XPR1: variants seen among roughly 807,000 people sequenced by gnomAD.
XPR1 encodes xenotropic and polytropic retrovirus receptor 1.
In XPR1, 28 loss-of-function variants were observed where a neutral mutation model predicts 87.5. The observed-to-expected ratio is 0.32, with a 90% confidence interval of 0.24 to 0.44. The LOEUF (loss-of-function observed/expected upper bound fraction) is 0.44. Ranked by LOEUF, XPR1 falls within the 20% of genes least tolerant of loss-of-function variation. XPR1 has a pLI of 1.00. For synonymous variants in XPR1, 300 were observed against 306.1 expected (o/e 0.98, Z 0.21); for missense variants, 559 against 862.3 (o/e 0.65, Z 4.41).
Position 180,712,807 on chromosome 1 carries a change from A to AAAAT in XPR1, c.121+30416_121+30419dup, listed in dbSNP as rs573258351. On this transcript the variant is annotated intron_variant, in intron 2 of 14. Transcript: ENST00000367590. ...GGCAACAGAATGAGACTCTGTCTCA[A>AAAAT]AAATAAATAAATAAATAAATAAAAA... Among the ~76,000 whole-genome samples the AAAAT allele has an allele frequency of 1.6e-4, 25 of 152,256 alleles. 1 individual carries two copies. Among genetic ancestry groups the AAAAT allele is most frequent in the Middle Eastern group, 3.4e-3 (1 of 294 alleles).
At chr1:180,732,943 C>T (rs897225646) in intron 2 of XPR1, among the ~76,000 whole-genome samples, 1 of 152,132 alleles carries the variant, frequency 6.6e-6, no homozygotes, top group Non-Finnish European at 1.5e-5. Flanking sequence ...GGAAGGTTTT[C>T]CCCTGGTGTC....
chr1:180,704,414 C>A lies in XPR1; in HGVS notation c.121+22003C>A, dbSNP rs139212874. ...AGAATTCTTCTATAAAGGGAAACTT[C>A]CCTTTGTCAATTATTTGGTTATTCT... On this transcript the variant is annotated intron_variant, in intron 2 of 14. Transcript: ENST00000367590. Among the ~76,000 whole-genome samples, 1,034 of 151,106 alleles carry A rather than the reference C, an allele frequency of 6.8e-3. 13 individuals carry two copies. The highest frequency in any genetic ancestry group is 0.024 in the African/African-American group (982 of 41,318).
intron 2 of XPR1, among the ~76,000 whole-genome samples, chr1:180,687,179 A>C (rs149895411): frequency 6.9e-4 from 105 of 152,246 alleles, no homozygotes; most frequent in Middle Eastern, 3.4e-3. Context: ...TTATTTTACT[A>C]TTCTGTTTGT....
At chr1:180,876,345 A>C (rs1652663333) in intron 13 of XPR1, among the ~76,000 whole-genome samples, 2 of 152,212 alleles carry the variant, frequency 1.3e-5, no homozygotes, top group African/African-American at 4.8e-5. Flanking sequence ...ACATTCAAAA[A>C]TCAATCAGGG....
chr1:180,704,588 A>C (rs1488974490), intron 2 of XPR1, among the ~76,000 whole-genome samples: 1 of 151,508 alleles, frequency 6.6e-6, no homozygotes, highest in Non-Finnish European at 1.5e-5. Flanking sequence ...ATATTTCAAT[A>C]TATTTGGTAT....
intron 2 of XPR1, among the ~76,000 whole-genome samples, chr1:180,715,727 A>C (rs969559708): frequency 4.0e-5 from 6 of 151,274 alleles, no homozygotes; most frequent in African/African-American, 1.5e-4. Context: ...CCCAGGCTGG[A>C]GTGCAATGGT....
intron 1 of XPR1, among the ~76,000 whole-genome samples, chr1:180,656,620 TTTATATATGTATGTATAATATATTA>T (rs1231989020): frequency 3.2e-4 from 27 of 83,850 alleles, no homozygotes; most frequent in Non-Finnish European, 5.5e-4. Context: ...TATAATATAT[TTTATATATGTATGTATAATATATTA>T]TTATATATAA....
At chr1:180,786,523 A>G (rs923577447) in intron 2 of XPR1, among the ~76,000 whole-genome samples, 4 of 152,120 alleles carry the variant, frequency 2.6e-5, no homozygotes, top group African/African-American at 9.7e-5. Context: ...GTCTAAATAG[A>G]TCTCACTTGG....
intron 11 of XPR1, among the ~76,000 whole-genome samples, chr1:180,860,207 G>A (rs997911272): frequency 6.6e-6 from 1 of 151,864 alleles, no homozygotes; most frequent in Non-Finnish European, 1.5e-5. Flanking sequence ...TTTAATGACA[G>A]TATCAAATAC....
intron 2 of XPR1, among the ~76,000 whole-genome samples, chr1:180,775,093 G>A (rs1389941023): frequency 1.3e-5 from 2 of 152,102 alleles, no homozygotes; most frequent in Admixed American, 6.5e-5. Context: ...AAATACTATG[G>A]CATGGGTGAT....
chr1:180,760,112 C>T (rs944805021), intron 2 of XPR1, among the ~76,000 whole-genome samples: 3 of 152,130 alleles, frequency 2.0e-5, no homozygotes, highest in Admixed American at 6.5e-5. Context: ...TGGGACGTAT[C>T]TCAAAATAAT....
intron 11 of XPR1, among the ~76,000 whole-genome samples, chr1:180,860,788 G>A (rs570055177): frequency 1.0e-4 from 15 of 150,432 alleles, no homozygotes; most frequent in Non-Finnish European, 1.9e-4. Context: ...TTGTCAAAAT[G>A]AGCAGGATGT....
chr1:180,748,707 G>A (rs767993056), intron 2 of XPR1, among the ~76,000 whole-genome samples: 5 of 151,728 alleles, frequency 3.3e-5, no homozygotes, highest in East Asian at 3.9e-4. Flanking sequence ...ATGAGCCACC[G>A]TGCTCGGCCA....
intron 1 of XPR1, among the ~76,000 whole-genome samples, chr1:180,659,453 C>T (rs867425113): frequency 1.8e-5 from 2 of 112,018 alleles, no homozygotes; most frequent in Non-Finnish European, 3.5e-5. Context: ...CCTCCTTCTT[C>T]CCTCCCTTCC....
intron 2 of XPR1, among the ~76,000 whole-genome samples, chr1:180,728,130 A>G (rs1232061208): frequency 6.6e-6 from 1 of 152,174 alleles, no homozygotes; most frequent in Non-Finnish European, 1.5e-5. Context: ...GTCTTTCTGT[A>G]AAGCAAAAGG....
chr1:180,798,612 T>TTTTTTG (rs1306936870), intron 3 of XPR1, among the ~76,000 whole-genome samples: 22 of 152,190 alleles, frequency 1.4e-4, no homozygotes, highest in African/African-American at 4.8e-4. Context: ...GCTGTAGGGT[T>TTTTTTG]TTTTTGTTTT....
intron 2 of XPR1, among the ~76,000 whole-genome samples, chr1:180,687,064 T>C (rs1193603241): frequency 1.3e-5 from 2 of 152,136 alleles, no homozygotes; most frequent in African/African-American, 4.8e-5. Flanking sequence ...TTATATGCCG[T>C]AAAGAATACC....
intron 2 of XPR1, among the ~76,000 whole-genome samples, chr1:180,705,905 A>C (rs1411607192): frequency 6.6e-6 from 1 of 152,236 alleles, no homozygotes; most frequent in Non-Finnish European, 1.5e-5. Flanking sequence ...TAGTAAGAGA[A>C]TGACTAATGG....
Position 180,758,114 on chromosome 1 carries a change from T to TACACAC in XPR1, c.122-29611_122-29606dup, listed in dbSNP as rs71121050. ...ACATATATATGAACATATAGAAGGATACACACACACACACACACACACACA... is the reference window on the plus strand; with the variant it reads ...ACATATATATGAACATATAGAAGGATACACACACACACACACACACACACACACACA... On this transcript the variant is annotated intron_variant, in intron 2 of 14. Coordinates refer to ENST00000367590, the MANE Select transcript of XPR1 (RefSeq NM_004736.4). 5.3e-3 allele frequency among the ~76,000 whole-genome samples: 752 copies of TACACAC among 141,164 alleles called. 4 individuals are homozygous for TACACAC. The highest frequency in any genetic ancestry group is 0.011 in the African/African-American group (414 of 38,740). The allele number at this position is 141,164 out of a possible 152,430, so 92.6% of individuals were successfully genotyped here.
Sources: allele counts gnomAD v4.1 joint callset (sites outside exome capture counted in the v4.1 genomes callset), GRCh38; gene constraint gnomAD v4.1.1; transcripts MANE v1.5; gene names NCBI Gene and HGNC (gene_info 2026-07-23, HGNC 2026-07-21).